MAP3K7CL: variants seen among roughly 807,000 people sequenced by gnomAD.
The protein encoded by MAP3K7CL is MAP3K7 C-terminal-like protein.
Under a neutral mutation model 18.6 loss-of-function variants are expected in MAP3K7CL, and 16 were observed. The observed-to-expected ratio is 0.86, with a 90% CI of 0.58 to 1.31. The LOEUF (loss-of-function observed/expected upper bound fraction) is 1.31. MAP3K7CL is among the 50% of genes most tolerant of loss of function. The probability of loss-of-function intolerance (pLI) is 0.00; values close to 1 mark genes in which losing one functional copy is unlikely to be tolerated. For missense variants in MAP3K7CL, 163 were observed against 174.4 expected (o/e 0.93, Z 0.37); for synonymous variants, 65 against 66.8 (o/e 0.97, Z 0.13).
intron 2 of MAP3K7CL, among the ~76,000 whole-genome samples, chr21:29,143,701 G>A (rs2087059812): frequency 6.6e-6 from 1 of 152,112 alleles, no homozygotes. Flanking sequence ...GGTATTACAG[G>A]TGTGAGCTAC....
At chr21:29,151,264 C>T (rs2087266671) in intron 3 of MAP3K7CL, among the ~76,000 whole-genome samples, 1 of 151,546 alleles carries the variant, frequency 6.6e-6, no homozygotes, top group South Asian at 2.1e-4. Context: ...TAAGACCAGC[C>T]TGGTCAATAT....
intron 4 of MAP3K7CL, 75 bp from the exon 5 acceptor site, chr21:29,174,637 A>T (rs2087921872): frequency 6.6e-7 from 1 of 1,503,956 alleles, no homozygotes; most frequent in South Asian, 1.2e-5. Flanking sequence ...TACTTCCATC[A>T]TGCTATTACT....
chr21:29,173,637 G>T (rs2087895619), intron 4 of MAP3K7CL, among the ~76,000 whole-genome samples: 1 of 152,204 alleles, frequency 6.6e-6, no homozygotes, highest in South Asian at 2.1e-4. Flanking sequence ...GATGGAGACA[G>T]ACCTGGTATC....
intron 4 of MAP3K7CL, among the ~76,000 whole-genome samples, chr21:29,172,794 C>G (rs1274109902): frequency 6.6e-6 from 1 of 151,974 alleles, no homozygotes; most frequent in African/African-American, 2.4e-5. Flanking sequence ...TTTTCTAGCT[C>G]TGGATTATTG....
chr21:29,157,352 T>C (rs2087432438), intron 3 of MAP3K7CL, among the ~76,000 whole-genome samples: 1 of 152,230 alleles, frequency 6.6e-6, no homozygotes, highest in African/African-American at 2.4e-5. Flanking sequence ...ATAACCTTCC[T>C]CTTTACTTAA....
chr21:29,109,443 C>T, intron 4 of MAP3K7CL: 1 of 1,208,568 alleles, frequency 8.3e-7, no homozygotes, highest in African/African-American at 1.6e-5. Context: ...AAGTGTGAGA[C>T]TTCTGGCAAA....
At chr21:29,151,101 G>A (rs2146692993) in intron 3 of MAP3K7CL, among the ~76,000 whole-genome samples, 1 of 152,022 alleles carries the variant, frequency 6.6e-6, no homozygotes, top group East Asian at 2.0e-4. Context: ...GACACTGCAA[G>A]TGATAGTTCT....
At chr21:29,159,837 AG>A in intron 3 of MAP3K7CL, 103 bp from the exon 4 acceptor site, 3 of 753,300 alleles carry the variant, frequency 4.0e-6, no homozygotes, top group East Asian at 2.6e-5. Flanking sequence ...AAAAAAAAAA[AG>A]AAGAAGAAAA....
intron 1 of MAP3K7CL, chr21:29,080,696 T>C (rs1480909043): frequency 2.6e-5 from 4 of 152,242 alleles, no homozygotes; most frequent in Admixed American, 2.6e-4. Context: ...TCATTCGTAG[T>C]GTAGCCCCCA....
intron 4 of MAP3K7CL, among the ~76,000 whole-genome samples, chr21:29,094,640 T>C (rs2086089245): frequency 6.6e-6 from 1 of 152,194 alleles, no homozygotes. Flanking sequence ...CAAAATCCTT[T>C]GTGTGATCTG....
chr21:29,099,353 C>T (rs976975675), intron 4 of MAP3K7CL, among the ~76,000 whole-genome samples: 1 of 148,682 alleles, frequency 6.7e-6, no homozygotes, highest in Non-Finnish European at 1.5e-5. Context: ...CATTTTCCTG[C>T]CTTGGTCTCC....
chr21:29,109,275 G>A (rs1353094077), intron 4 of MAP3K7CL: 19 of 1,509,468 alleles, frequency 1.3e-5, no homozygotes, highest in Non-Finnish European at 1.6e-5. Flanking sequence ...GTGCATGTGT[G>A]TGTAATGCTT....
At chr21:29,171,933 T>G (rs55955024) in intron 4 of MAP3K7CL, among the ~76,000 whole-genome samples, 6,382 of 151,846 alleles carry the variant, frequency 0.042, 198 homozygotes, top group Non-Finnish European at 0.061. Flanking sequence ...CTTTCTCTCA[T>G]ACACACACAT....
intron 4 of MAP3K7CL, among the ~76,000 whole-genome samples, chr21:29,099,011 T>C (rs1380216787): frequency 1.3e-5 from 2 of 152,128 alleles, no homozygotes; most frequent in East Asian, 1.9e-4. Context: ...CCCAACCAAG[T>C]TGGGCTTGCT....
At chr21:29,150,203 C>A (rs142899244) in intron 3 of MAP3K7CL, among the ~76,000 whole-genome samples, 1 of 152,296 alleles carries the variant, frequency 6.6e-6, no homozygotes, top group East Asian at 1.9e-4. Context: ...CCTGGACAGC[C>A]CTCAACAGAG....
At chr21:29,120,915 A>T (rs561934107) in intron 4 of MAP3K7CL, among the ~76,000 whole-genome samples, 2 of 151,334 alleles carry the variant, frequency 1.3e-5, no homozygotes, top group Admixed American at 6.6e-5. Context: ...AAAATACAAA[A>T]ATTAGCTAGG....
At chr21:29,080,493 G>C (rs185614362) in intron 1 of MAP3K7CL, 1 of 152,326 alleles carries the variant, frequency 6.6e-6, no homozygotes, top group Non-Finnish European at 1.5e-5. Flanking sequence ...AATGTGATGA[G>C]ATGATGCATT....
chr21:29,170,193 A>G (rs970784303), intron 4 of MAP3K7CL, among the ~76,000 whole-genome samples: 11 of 152,372 alleles, frequency 7.2e-5, no homozygotes, highest in South Asian at 6.2e-4. Context: ...GGTCCTGGAC[A>G]GGAAACAATA....
intron 3 of MAP3K7CL, among the ~76,000 whole-genome samples, chr21:29,153,810 T>A (rs552092849): frequency 4.3e-4 from 65 of 152,318 alleles, no homozygotes; most frequent in Non-Finnish European, 7.8e-4. Context: ...TTCTAAAAGA[T>A]GGTGGCATCC....
Sources: gnomAD v4.1 joint callset for allele counts (sites outside exome capture counted in the v4.1 genomes callset) on GRCh38, gnomAD v4.1.1 for gene constraint, MANE v1.5 for transcripts, NCBI Gene and HGNC (gene_info 2026-07-23, HGNC 2026-07-21) for gene names.